The following CNTNAP2 variants were observed in gnomAD, a reference collection of about 807,000 sequenced individuals.
The protein encoded by CNTNAP2 is contactin-associated protein-like 2.
Under a neutral mutation model 155.2 loss-of-function variants are expected in CNTNAP2, and 98 were observed. That is an observed-to-expected ratio of 0.63 (90% CI 0.54 to 0.75). The LOEUF (loss-of-function observed/expected upper bound fraction) is 0.75, where lower values mean the gene tolerates loss of function less well. CNTNAP2 is among the 30% of genes least tolerant of loss of function. The pLI is 0.00. For missense variants in CNTNAP2, 1,727 were observed against 1,688.1 expected, an observed-to-expected ratio of 1.02 and a Z score of -0.40; for synonymous variants, 651 against 631.2, an observed-to-expected ratio of 1.03 and a Z score of -0.47.
At chr7:146,736,180 T>G (rs1264617583) in intron 1 of CNTNAP2, among the ~76,000 whole-genome samples, 1 of 152,116 alleles carries the variant, frequency 6.6e-6, no homozygotes, top group Non-Finnish European at 1.5e-5. Flanking sequence ...ATAGGTTATA[T>G]GCAAACACTG....
chr7:146,555,355 A>G lies in CNTNAP2; in HGVS notation c.98-218916A>G, dbSNP rs1225177678. 3.9e-5 allele frequency among the ~76,000 whole-genome samples: 6 copies of G among 151,944 alleles called. 1 individual carries two copies. Among genetic ancestry groups the G allele is most frequent in the South Asian group, 4.1e-4 (2 of 4,834 alleles). On this transcript the variant is annotated intron_variant, in intron 1 of 23. Coordinates refer to ENST00000361727, the MANE Select transcript of CNTNAP2 (RefSeq NM_014141.6). The stretch of plus-strand genomic sequence containing the variant: ...TAACATAAGACTTTATCTATTATCT[A>G]TCTAATCTAATCTTTTATTCTATCC...
chr7:146,888,901 A>G (rs568764746), intron 3 of CNTNAP2, among the ~76,000 whole-genome samples: 1 of 152,154 alleles, frequency 6.6e-6, no homozygotes, highest in African/African-American at 2.4e-5. Flanking sequence ...CAAGGTAAAT[A>G]AGTCCTGGAG....
rs185111203 is a variant in CNTNAP2 at position 148,133,377 on chromosome 7, G to T, written c.2555-14114G>T. On this transcript the variant is annotated intron_variant, in intron 16 of 23. Transcript: ENST00000361727. ...CTCAGGAGGCTGAGGCAGGAGAATC[G>T]CTTGAACCTGGGAGGTGGAGGTTGC... Among the ~76,000 whole-genome samples the T allele has an allele frequency of 2.0e-4, 31 of 152,240 alleles. No individual in the cohort carries two copies. In the East Asian group the frequency reaches 5.8e-3, roughly 29 times the overall value.
chr7:148,217,207 A>C (rs1421928372), intron 18 of CNTNAP2, 81 bp from the exon 19 acceptor site: 1 of 1,418,788 alleles, frequency 7.0e-7, no homozygotes, highest in Non-Finnish European at 1.0e-6. Context: ...CCTGCACTCC[A>C]TGAACTGCTG....
chr7:148,313,294 G>A (rs1278085383), intron 21 of CNTNAP2, among the ~76,000 whole-genome samples: 4 of 150,706 alleles, frequency 2.7e-5, no homozygotes, highest in Non-Finnish European at 4.4e-5. Context: ...GGGGGCTTCC[G>A]AGGTGATCGG....
chr7:148,305,801 A>G (rs1178761425), intron 21 of CNTNAP2, among the ~76,000 whole-genome samples: 1 of 152,108 alleles, frequency 6.6e-6, no homozygotes, highest in Non-Finnish European at 1.5e-5. Context: ...CCCCTGACAC[A>G]TGGGATTACA....
chr7:146,512,452 T>G (rs1797481423), intron 1 of CNTNAP2, among the ~76,000 whole-genome samples: 1 of 152,004 alleles, frequency 6.6e-6, no homozygotes, highest in South Asian at 2.1e-4. Flanking sequence ...TTAGTACTGC[T>G]TTTGCTGTAT....
chr7:147,764,769 G>A (rs1394320256), intron 13 of CNTNAP2, among the ~76,000 whole-genome samples: 1 of 152,010 alleles, frequency 6.6e-6, no homozygotes, highest in East Asian at 1.9e-4. Context: ...CCTACAAGAT[G>A]TTTTATGACT....
At chr7:146,758,974 T>C (rs1563219011) in intron 1 of CNTNAP2, among the ~76,000 whole-genome samples, 1 of 152,202 alleles carries the variant, frequency 6.6e-6, no homozygotes, top group Non-Finnish European at 1.5e-5. Flanking sequence ...CTGGTGATGA[T>C]GGCAAAATGA....
chr7:148,202,585 G>A (rs547575011), intron 18 of CNTNAP2, among the ~76,000 whole-genome samples: 17 of 152,302 alleles, frequency 1.1e-4, no homozygotes, highest in Non-Finnish European at 1.9e-4. Context: ...AAAGAGGGGT[G>A]TGCTTGAAGC....
At chr7:147,186,874 T>TGGAGAA in intron 8 of CNTNAP2, among the ~76,000 whole-genome samples, 11 of 141,444 alleles carry the variant, frequency 7.8e-5, no homozygotes, top group South Asian at 2.3e-4. Context: ...ACTTGATCTT[T>TGGAGAA]TCGGGCTGAC....
rs554923579 is a variant in CNTNAP2, at chr7:148,057,256, G to A, written c.2384-60862G>A. Among the ~76,000 whole-genome samples, 3 of 152,304 alleles carry A rather than the reference G, an allele frequency of 2.0e-5. No homozygotes were observed. In the East Asian group the frequency reaches 5.8e-4, roughly 29 times the overall value. ...CGGTGGGTAGGAGGGTGCACAAGTA[G>A]CCAGGTATACAAGTAGCCGGGAGCT... On this transcript the variant is annotated intron_variant, in intron 15 of 23. Transcript: ENST00000361727.
At chr7:148,264,588 C>T (rs1796632988) in intron 20 of CNTNAP2, among the ~76,000 whole-genome samples, 1 of 152,104 alleles carries the variant, frequency 6.6e-6, no homozygotes, top group Non-Finnish European at 1.5e-5. Flanking sequence ...TATTAGCAGG[C>T]AACTTTTTTT....
At chr7:146,451,850 GTATTC>G (rs1194043728) in intron 1 of CNTNAP2, among the ~76,000 whole-genome samples, 210 of 56,514 alleles carry the variant, frequency 3.7e-3, no homozygotes, top group African/African-American at 0.021. Flanking sequence ...ATATATACAC[GTATTC>G]TATATATATA....
At chr7:146,275,625 T>C (rs1205455689) in intron 1 of CNTNAP2, among the ~76,000 whole-genome samples, 1 of 152,168 alleles carries the variant, frequency 6.6e-6, no homozygotes, top group Non-Finnish European at 1.5e-5. Context: ...TTCTGGCAAA[T>C]TGGCTATAGA....
chr7:146,838,631 A>AT (rs1011654642), intron 2 of CNTNAP2, among the ~76,000 whole-genome samples: 1 of 152,276 alleles, frequency 6.6e-6, no homozygotes, highest in Non-Finnish European at 1.5e-5. Flanking sequence ...TATTTTATAT[A>AT]TTTTTTAGTT....
At chr7:146,975,621 T>A (rs1195947968) in intron 3 of CNTNAP2, among the ~76,000 whole-genome samples, 1 of 152,118 alleles carries the variant, frequency 6.6e-6, no homozygotes, top group African/African-American at 2.4e-5. Context: ...GAAACTAAGA[T>A]GTTTTACCCC....
chr7:146,883,838 TG>T (rs1389531841), intron 3 of CNTNAP2, among the ~76,000 whole-genome samples: 2 of 152,278 alleles, frequency 1.3e-5, no homozygotes, highest in South Asian at 2.1e-4. Flanking sequence ...AATTTCAAGC[TG>T]TTTTTTTAAC....
At chr7:148,283,822 C>G (rs1442682726) in intron 21 of CNTNAP2, among the ~76,000 whole-genome samples, 1 of 152,116 alleles carries the variant, frequency 6.6e-6, no homozygotes, top group Non-Finnish European at 1.5e-5. Context: ...GTGCTGGCAG[C>G]CATGAGCTCA....
Sources: gnomAD v4.1 joint callset for allele counts (sites outside exome capture counted in the v4.1 genomes callset) on GRCh38, gnomAD v4.1.1 for gene constraint, MANE v1.5 for transcripts, NCBI Gene and HGNC (gene_info 2026-07-23, HGNC 2026-07-21) for gene names.